TYW1B: variants seen among roughly 807,000 people sequenced by gnomAD.
TYW1B encodes the protein tRNA-yW synthesizing protein 1 homolog B.
TYW1B carries 73 observed loss-of-function variants against 86.9 expected under a neutral mutation model. That is an observed-to-expected ratio of 0.84 (90% CI 0.70 to 1.02). The LOEUF is 1.02. Ranked by LOEUF, TYW1B falls within the 50% of genes least tolerant of loss-of-function variation. The pLI, the probability that TYW1B is intolerant of heterozygous loss-of-function variation, is 0.00. For missense variants in TYW1B, 637 were observed against 827.4 expected, an observed-to-expected ratio of 0.77 and a Z score of 2.82; for synonymous variants, 248 against 292.8, an observed-to-expected ratio of 0.85 and a Z score of 1.56.
chr7:72,810,466 C>A lies in TYW1B; in HGVS notation c.432+5G>T, dbSNP rs782188365. ...ATTTATTCCTATAATTCAATATAGA[C>A]CTACCTTGTTGAAGTGGCTAGCATA... On this transcript the variant is annotated splice_donor_5th_base_variant and intron_variant, in intron 4 of 13. Transcript: ENST00000620995. The A allele has an allele frequency of 1.9e-6, 3 of 1,608,764 alleles. No homozygotes were observed. Among genetic ancestry groups the A allele is most frequent in the South Asian group, 2.2e-5 (2 of 90,370 alleles).
intron 13 of TYW1B, among the ~76,000 whole-genome samples, chr7:72,610,416 C>G (rs572414659): frequency 6.6e-6 from 1 of 151,908 alleles, no homozygotes; most frequent in Non-Finnish European, 1.5e-5. Context: ...TCTCCATGGA[C>G]GACACCATCA....
chr7:72,807,113 C>T lies in TYW1B; in HGVS notation c.676G>A (p.Glu226Lys), dbSNP rs1240296337. The change falls in exon 5 of 14, where the codon GAG (glutamate) becomes AAG (lysine). Residue 226 changes from glutamate to lysine, a missense_variant. Coordinates refer to ENST00000620995, the MANE Select transcript of TYW1B (RefSeq NM_001145440.3). ...TCGTCCTGCTCTTGAGATCCTTCCT[C>T]CCTCTCCTCTGAGCCATGTTGGTGA... ...ESHQHGSEEREEGSQEQDELH... is the reference protein window; with the variant it reads ...ESHQHGSEERKEGSQEQDELH... 17 of 1,614,026 alleles carry T rather than the reference C, an allele frequency of 1.1e-5. No individual in the cohort carries two copies. In the African/African-American group the frequency reaches 1.7e-4, roughly 16 times the overall value.
At chr7:72,744,276 T>A (rs1787355828) in intron 8 of TYW1B, among the ~76,000 whole-genome samples, 1 of 152,144 alleles carries the variant, frequency 6.6e-6, no homozygotes, top group African/African-American at 2.4e-5. Context: ...TCCAAATGGA[T>A]GTTTACAAAT....
At chr7:72,581,806 C>T (rs1197860342) in intron 13 of TYW1B, among the ~76,000 whole-genome samples, 1 of 151,708 alleles carries the variant, frequency 6.6e-6, no homozygotes, top group Non-Finnish European at 1.5e-5. Flanking sequence ...GACACTCTGT[C>T]ACCCAGGCTG....
chr7:72,650,465 A>G (rs1813032620), intron 11 of TYW1B, among the ~76,000 whole-genome samples: 1 of 152,146 alleles, frequency 6.6e-6, no homozygotes, highest in African/African-American at 2.4e-5. Context: ...GACCACACTT[A>G]CACTAACATT....
At chr7:72,636,229 A>C (rs1812665203) in intron 11 of TYW1B, among the ~76,000 whole-genome samples, 1 of 152,102 alleles carries the variant, frequency 6.6e-6, no homozygotes, top group South Asian at 2.1e-4. Flanking sequence ...TCCTCTTTTA[A>C]CTAATATTTA....
intron 13 of TYW1B, among the ~76,000 whole-genome samples, chr7:72,612,916 A>T (rs1319735430): frequency 6.6e-6 from 1 of 151,812 alleles, no homozygotes; most frequent in East Asian, 1.9e-4. Flanking sequence ...CACCCAGGAA[A>T]TTTTTCTATT....
At chr7:72,719,353 G>A (rs184345205) in intron 9 of TYW1B, among the ~76,000 whole-genome samples, 16 of 151,822 alleles carry the variant, frequency 1.1e-4, no homozygotes, top group African/African-American at 2.9e-4. Context: ...GTTTTGGGCC[G>A]GGCGTGGTGG....
chr7:72,668,540 T>G lies in TYW1B; in HGVS notation c.1506+26147A>C, dbSNP rs533965761. On this transcript the variant is annotated intron_variant, in intron 11 of 13. Coordinates refer to ENST00000620995, the MANE Select transcript of TYW1B (RefSeq NM_001145440.3). Reference sequence around the variant, plus strand: ...AACTCCTTCTCAACACCCCAGCTTATCCACTGTCATTCCACTCCCCATCCG... The same window carrying G: ...AACTCCTTCTCAACACCCCAGCTTAGCCACTGTCATTCCACTCCCCATCCG... Among the ~76,000 whole-genome samples, 198 of 152,268 alleles carry G rather than the reference T, an allele frequency of 1.3e-3. 1 individual carries two copies. The Middle Eastern group carries it at 0.014, about 11-fold the overall frequency.
chr7:72,723,454 A>T (rs1389321471), intron 9 of TYW1B, among the ~76,000 whole-genome samples: 1 of 151,998 alleles, frequency 6.6e-6, no homozygotes, highest in African/African-American at 2.4e-5. Flanking sequence ...TTGTATTCCC[A>T]TAGATACAAT....
At position 72,807,066 on chromosome 7, in the gene TYW1B, C is replaced by G; in HGVS notation, c.723G>C (p.Lys241Asn). The G allele has an allele frequency of 6.2e-7, 1 of 1,613,440 alleles. No homozygotes were observed. Among genetic ancestry groups the G allele is most frequent in the Non-Finnish European group, 8.5e-7 (1 of 1,179,554 alleles). ...AGAGATGAACACACAGGCGGTATAC[C>G]TTGGTGTCTCTGTGATGCAATTCGT... Reference protein sequence around the residue: ...EQDELHHRDTKEEEPFESSSE... With the variant: ...EQDELHHRDTNEEEPFESSSE... The change falls in exon 5 of 14, where the codon AAG becomes AAC. Residue 241 changes from lysine to asparagine, a missense_variant and splice_region_variant. By Grantham distance (94) the Lys-to-Asn change is moderately conservative. Coordinates refer to ENST00000620995, the MANE Select transcript of TYW1B (RefSeq NM_001145440.3).
intron 10 of TYW1B, among the ~76,000 whole-genome samples, chr7:72,701,073 A>G (rs1814459015): frequency 6.6e-6 from 1 of 151,996 alleles, no homozygotes; most frequent in South Asian, 2.1e-4. Context: ...CAGAAAAAAA[A>G]AAAAAGAAAA....
intron 8 of TYW1B, among the ~76,000 whole-genome samples, chr7:72,740,447 T>C (rs1554461921): frequency 7.1e-6 from 1 of 141,268 alleles, no homozygotes; most frequent in South Asian, 2.3e-4. Context: ...ACAGAGTCAA[T>C]CTGCAAAGAC....
At chr7:72,603,291 A>G (rs1242465961) in intron 13 of TYW1B, among the ~76,000 whole-genome samples, 5 of 151,354 alleles carry the variant, frequency 3.3e-5, no homozygotes, top group African/African-American at 9.7e-5. Flanking sequence ...AGACAAACAG[A>G]TGACAGATGA....
intron 13 of TYW1B, among the ~76,000 whole-genome samples, chr7:72,615,453 T>G (rs534266129): frequency 1.3e-5 from 2 of 152,136 alleles, no homozygotes; most frequent in African/African-American, 2.4e-5. Flanking sequence ...AAATCACATA[T>G]CTAAAACACC....
chr7:72,763,594 TTCTA>T lies in TYW1B; in HGVS notation c.964+13818_964+13821del, dbSNP rs1554467754. Among the ~76,000 whole-genome samples the T allele has an allele frequency of 2.0e-5, 3 of 152,228 alleles. No homozygotes were observed. The South Asian group carries it at 6.2e-4, about 32-fold the overall frequency. On this transcript the variant is annotated intron_variant, in intron 7 of 13. Transcript: ENST00000620995. ...ACCACACCCTGCCAGATTAAGGTTT[TTCTA>T]TCTATGTGAATTTCCATATTGCTTT...
At chr7:72,594,538 C>A (rs1554432251) in intron 13 of TYW1B, among the ~76,000 whole-genome samples, 1 of 152,048 alleles carries the variant, frequency 6.6e-6, no homozygotes, top group Non-Finnish European at 1.5e-5. Context: ...AAGAAAAGCC[C>A]TGGACCTGAT....
chr7:72,622,830 AACAC>A (rs1193148042), intron 12 of TYW1B, among the ~76,000 whole-genome samples: 1 of 143,474 alleles, frequency 7.0e-6, no homozygotes. Flanking sequence ...ACACTACACA[AACAC>A]ACCACACAAA....
chr7:72,719,154 A>T (rs1203073209), intron 9 of TYW1B, among the ~76,000 whole-genome samples: 18 of 146,470 alleles, frequency 1.2e-4, no homozygotes, highest in East Asian at 4.0e-4. Context: ...AATTATTATT[A>T]TTTTTTTTTT....
Sources: allele counts gnomAD v4.1 joint callset (sites outside exome capture counted in the v4.1 genomes callset), GRCh38; gene constraint gnomAD v4.1.1; transcripts MANE v1.5; gene names NCBI Gene and HGNC (gene_info 2026-07-23, HGNC 2026-07-21).